Variants in RCOR1 observed in about 807,000 individuals in gnomAD.
The protein encoded by RCOR1 is REST corepressor.
A neutral mutation model predicts 64.0 loss-of-function variants in RCOR1; 12 were observed. The ratio of observed to expected loss-of-function variants is 0.19; its 90% CI spans 0.12 to 0.30. RCOR1 has a LOEUF of 0.30. Ranked by LOEUF, RCOR1 falls within the 10% of genes least tolerant of loss-of-function variation. RCOR1 has a pLI of 1.00. For synonymous variants in RCOR1, 279 were observed against 227.2 expected (o/e 1.23, Z -2.05); for missense variants, 502 against 621.2 (o/e 0.81, Z 2.04).
intron 2 of RCOR1, among the ~76,000 whole-genome samples, chr14:102,620,710 C>T (rs1320795674): frequency 6.6e-6 from 1 of 152,150 alleles, no homozygotes; most frequent in African/African-American, 2.4e-5. Context: ...CACAGAGACT[C>T]TGTTTCTAAT....
At chr14:102,678,095 C>G (rs1265561760) in intron 2 of RCOR1, among the ~76,000 whole-genome samples, 24 of 151,322 alleles carry the variant, frequency 1.6e-4, no homozygotes, top group Admixed American at 8.5e-4. Context: ...CGCAGGCACT[C>G]GGCAGGCTGA....
intron 2 of RCOR1, among the ~76,000 whole-genome samples, chr14:102,677,026 G>A (rs1385950181): frequency 4.2e-5 from 5 of 118,822 alleles, no homozygotes; most frequent in South Asian, 2.7e-4. Flanking sequence ...CCGGCCGGGC[G>A]GGGGGCTGAC....
chr14:102,635,550 A>T (rs900257294), intron 2 of RCOR1, among the ~76,000 whole-genome samples: 4 of 152,198 alleles, frequency 2.6e-5, no homozygotes, highest in Admixed American at 2.6e-4. Flanking sequence ...ATGTATATAC[A>T]TATACAGAAA....
Position 102,730,163 on chromosome 14 carries a change from G to A in RCOR1, c.*3657G>A. 2.5e-6 allele frequency: 1 copy of A among 397,690 alleles called. No individual in the cohort carries two copies. The highest frequency in any genetic ancestry group is 4.4e-6 in the Non-Finnish European group (1 of 225,748). 24.6% of individuals were successfully genotyped at this position (397,690 alleles called of 1,614,324 possible). A position where few individuals can be genotyped will look rare whatever the true frequency, so the allele number is the denominator to read the frequency against. Reference sequence around the variant, plus strand: ...CTAAAACGAAATTTATACCGGGGTGGATAGTATTCCATTAGGTAGACTTAT... The same window carrying A: ...CTAAAACGAAATTTATACCGGGGTGAATAGTATTCCATTAGGTAGACTTAT... On this transcript the variant is annotated 3_prime_UTR_variant, in exon 12 of 12. Coordinates refer to ENST00000262241, the MANE Select transcript of RCOR1 (RefSeq NM_015156.4).
chr14:102,623,364 C>T (rs1178984956), intron 2 of RCOR1, among the ~76,000 whole-genome samples: 1 of 148,856 alleles, frequency 6.7e-6, no homozygotes, highest in Non-Finnish European at 1.5e-5. Flanking sequence ...CTAGAGATAA[C>T]AATTTACTTC....
At chr14:102,613,387 C>T (rs1183988381) in intron 2 of RCOR1, among the ~76,000 whole-genome samples, 1 of 151,730 alleles carries the variant, frequency 6.6e-6, no homozygotes, top group East Asian at 1.9e-4. Flanking sequence ...CAGGTGTGAG[C>T]CATCGCACCT....
chr14:102,691,902 A>G (rs1895540876), intron 3 of RCOR1, among the ~76,000 whole-genome samples: 1 of 152,176 alleles, frequency 6.6e-6, no homozygotes, highest in South Asian at 2.1e-4. Flanking sequence ...TCTTGGACCT[A>G]TTTCTTGATG....
At chr14:102,690,606 AAAT>A (rs1895513171) in intron 3 of RCOR1, among the ~76,000 whole-genome samples, 1 of 152,136 alleles carries the variant, frequency 6.6e-6, no homozygotes, top group Non-Finnish European at 1.5e-5. Context: ...GGAAAAAAGA[AAAT>A]AATAATAACA....
intron 2 of RCOR1, among the ~76,000 whole-genome samples, chr14:102,599,257 T>A (rs1170515140): frequency 6.6e-6 from 1 of 152,084 alleles, no homozygotes; most frequent in Non-Finnish European, 1.5e-5. Flanking sequence ...ACCTCGAAAG[T>A]AGCTGGGACT....
intron 2 of RCOR1, among the ~76,000 whole-genome samples, chr14:102,623,904 A>C (rs781433544): frequency 2.0e-5 from 3 of 151,464 alleles, no homozygotes; most frequent in Non-Finnish European, 4.4e-5. Flanking sequence ...AAAAAAATAC[A>C]AAACATTAGC....
intron 3 of RCOR1, chr14:102,695,414 C>G (rs138696610): frequency 1.3e-5 from 2 of 152,238 alleles, no homozygotes; most frequent in Non-Finnish European, 2.9e-5. Flanking sequence ...TGAGTTATCT[C>G]AACTGATTCT....
At chr14:102,672,309 AC>A (rs1268321263) in intron 2 of RCOR1, among the ~76,000 whole-genome samples, 3 of 151,698 alleles carry the variant, frequency 2.0e-5, no homozygotes, top group Non-Finnish European at 4.4e-5. Flanking sequence ...ACCTCCTGTT[AC>A]GCCATTTTCC....
intron 2 of RCOR1, among the ~76,000 whole-genome samples, chr14:102,653,970 TCTTTCTTTC>T (rs1567423404): frequency 1.2e-4 from 6 of 50,458 alleles, no homozygotes; most frequent in African/African-American, 8.2e-4. Context: ...TTTCTTTCTT[TCTTTCTTTC>T]TTTCTTTTTT....
intron 8 of RCOR1, among the ~76,000 whole-genome samples, chr14:102,718,409 C>CA (rs1566713622): frequency 6.6e-6 from 1 of 152,198 alleles, no homozygotes; most frequent in Non-Finnish European, 1.5e-5. Flanking sequence ...CCCAAGACAT[C>CA]ATCAACCTCT....
At chr14:102,720,808 T>A in intron 8 of RCOR1, 199 bp from the exon 9 acceptor site, 1 of 436,028 alleles carries the variant, frequency 2.3e-6, no homozygotes, top group South Asian at 4.3e-5. Context: ...GGTTGTACCT[T>A]ATCTGTTGCT....
chr14:102,652,065 A>G (rs773610556), intron 2 of RCOR1, among the ~76,000 whole-genome samples: 6 of 152,222 alleles, frequency 3.9e-5, no homozygotes, highest in Non-Finnish European at 7.3e-5. Flanking sequence ...TCTGCTTTAG[A>G]TATGAGCCTT....
At chr14:102,713,160 G>A (rs967611675) in intron 7 of RCOR1, among the ~76,000 whole-genome samples, 2 of 150,696 alleles carry the variant, frequency 1.3e-5, no homozygotes, top group African/African-American at 4.9e-5. Flanking sequence ...CACCATCTTG[G>A]CCAGGCTGGT....
rs146398841 is a variant in RCOR1, at chr14:102,639,037, T to A, written c.362-42858T>A. Among the ~76,000 whole-genome samples, 1,429 of 152,306 alleles carry A rather than the reference T, an allele frequency of 9.4e-3. 24 individuals carry two copies. The highest frequency in any genetic ancestry group is 0.033 in the African/African-American group (1,353 of 41,564). On this transcript the variant is annotated intron_variant, in intron 2 of 11. Transcript: ENST00000262241. The stretch of plus-strand genomic sequence containing the variant: ...TTCCTAATTTGTACAGCTACCACTG[T>A]ACTGTTCATGACTGTATCCATGGGA...
chr14:102,676,723 C>CA (rs1723804458), intron 2 of RCOR1, among the ~76,000 whole-genome samples: 2 of 100,108 alleles, frequency 2.0e-5, no homozygotes, highest in African/African-American at 4.3e-5. Flanking sequence ...GCTGGCCGGG[C>CA]GGGGGGCTGA....
Sources: gnomAD v4.1 joint callset for allele counts (sites outside exome capture counted in the v4.1 genomes callset) on GRCh38, gnomAD v4.1.1 for gene constraint, MANE v1.5 for transcripts, NCBI Gene and HGNC (gene_info 2026-07-23, HGNC 2026-07-21) for gene names.